Variants in NLRP11 observed in about 807,000 individuals in gnomAD.
The protein encoded by NLRP11 is NACHT, LRR and PYD domains-containing protein 11.
Under a neutral mutation model 79.3 loss-of-function variants are expected in NLRP11, and 53 were observed. The observed-to-expected ratio is 0.67, with a 90% CI of 0.54 to 0.84. The LOEUF (loss-of-function observed/expected upper bound fraction) is 0.84. Among genes scored for constraint, NLRP11 ranks in the 40% least tolerant of loss-of-function variants. NLRP11 has a pLI of 0.00. For missense variants in NLRP11, 1,264 were observed against 1,255.0 expected (o/e 1.01, Z -0.11); for synonymous variants, 518 against 462.6 (o/e 1.12, Z -1.54).
intron 4 of NLRP11, among the ~76,000 whole-genome samples, chr19:55,804,072 A>G (rs538399424): frequency 2.0e-5 from 3 of 152,148 alleles, no homozygotes; most frequent in African/African-American, 7.2e-5. Flanking sequence ...ACAGAGCAAG[A>G]CTCCACCTCG....
rs539560009 is a variant in NLRP11 at position 55,798,394 on chromosome 19, C to T, written c.2172-2144G>A. 29 of 939,410 alleles carry T rather than the reference C, an allele frequency of 3.1e-5. No individual in the cohort carries two copies. The African/African-American group carries it at 5.0e-4, about 16-fold the overall frequency. 58.2% of individuals were successfully genotyped at this position (939,410 alleles called of 1,614,324 possible). A position where few individuals can be genotyped will look rare whatever the true frequency, so the allele number is the denominator to read the frequency against. On this transcript the variant is annotated intron_variant, in intron 5 of 9. Coordinates refer to ENST00000589093, the Ensembl canonical transcript of NLRP11. ...TGACTTAGATTGCCATTATCCTTAG[C>T]AAACTAACATAAGGACAGAAAACCA... is the stretch of plus-strand genomic sequence containing the variant.
At chr19:55,794,320 G>GA (rs895863185) in intron 6 of NLRP11, among the ~76,000 whole-genome samples, 2 of 152,066 alleles carry the variant, frequency 1.3e-5, no homozygotes, top group African/African-American at 2.4e-5. Flanking sequence ...GATATGAGAT[G>GA]AAAAAAATAT....
exon 6 of NLRP11, chr19:55,796,117 C>A: frequency 1.2e-6 from 2 of 1,614,050 alleles, no homozygotes; most frequent in Non-Finnish European, 1.7e-6. Flanking sequence ...TGAAGCAAGG[C>A]ATCACACAGT....
intron 1 of NLRP11, among the ~76,000 whole-genome samples, chr19:55,827,912 C>G (rs1600206389): frequency 1.3e-5 from 2 of 151,734 alleles, no homozygotes; most frequent in Non-Finnish European, 2.9e-5. Context: ...CATCCCATTA[C>G]TGGGTATATA....
At chr19:55,795,694 T>C (rs999969826) in intron 6 of NLRP11, among the ~76,000 whole-genome samples, 1 of 152,078 alleles carries the variant, frequency 6.6e-6, no homozygotes, top group Non-Finnish European at 1.5e-5. Context: ...TTCACTGTGT[T>C]GGCCAGGCTG....
intron 5 of NLRP11, among the ~76,000 whole-genome samples, chr19:55,796,813 C>T (rs552832992): frequency 1.6e-4 from 24 of 152,120 alleles, no homozygotes; most frequent in African/African-American, 3.6e-4. Flanking sequence ...CTCGGCCTCC[C>T]GAGTAGCTGG....
At position 55,787,140 on chromosome 19, in the gene NLRP11, T is replaced by C. The variant is rs115598231; in HGVS notation, c.2856-1269A>G. Among the ~76,000 whole-genome samples, 968 of 152,324 alleles carry C rather than the reference T, an allele frequency of 6.4e-3. 11 individuals carry two copies. The highest frequency in any genetic ancestry group is 0.022 in the African/African-American group (909 of 41,564). ...CCGGATGCTTATACTTAGTCTCTAA[T>C]TGAATGCTCAGTAACCTGAATATGA... On this transcript the variant is annotated intron_variant, in intron 9 of 9. Coordinates refer to ENST00000589093, the Ensembl canonical transcript of NLRP11.
At chr19:55,813,395 G>C (rs1223246562) in intron 2 of NLRP11, among the ~76,000 whole-genome samples, 2 of 152,068 alleles carry the variant, frequency 1.3e-5, no homozygotes, top group African/African-American at 4.8e-5. Flanking sequence ...TTGACTTGTA[G>C]TTTCTTTCCC....
At chr19:55,836,109 G>C (rs375700273), upstream of NLRP11, among the ~76,000 whole-genome samples, 2 of 152,216 alleles carry the variant, frequency 1.3e-5, no homozygotes, top group Admixed American at 6.5e-5. Flanking sequence ...GGGTGACCGA[G>C]TGAGACCGTA....
chr19:55,792,414 C>G (rs201154875), exon 7 of NLRP11: 1 of 1,614,140 alleles, frequency 6.2e-7, no homozygotes, highest in African/African-American at 1.3e-5. Flanking sequence ...TTGGGCTGAA[C>G]AGAAGCACTC....
intron 2 of NLRP11, among the ~76,000 whole-genome samples, chr19:55,816,243 C>A (rs1355637471): frequency 6.6e-6 from 1 of 152,176 alleles, no homozygotes; most frequent in African/African-American, 2.4e-5. Flanking sequence ...ATGCTTATAT[C>A]AGACAAAACA....
rs1989888067 is a variant in NLRP11, at chr19:55,786,509, A to C, written c.2856-638T>G. Among the ~76,000 whole-genome samples the C allele has an allele frequency of 3.3e-5, 5 of 151,042 alleles. No homozygotes were observed. In the South Asian group the frequency reaches 1.0e-3, roughly 32 times the overall value. On this transcript the variant is annotated intron_variant, in intron 9 of 9. Transcript: ENST00000589093. Reference sequence around the variant, plus strand: ...GCTCTCCAGCCTGAGTGACAGAGCAAGACCCTAACTAGAAAAAAAAAAAAT... The same window carrying C: ...GCTCTCCAGCCTGAGTGACAGAGCACGACCCTAACTAGAAAAAAAAAAAAT...
At chr19:55,831,470 G>A (rs1245143654) in intron 1 of NLRP11, among the ~76,000 whole-genome samples, 1 of 152,046 alleles carries the variant, frequency 6.6e-6, no homozygotes, top group African/African-American at 2.4e-5. Context: ...TCTGAGGTGG[G>A]AGAGTCACTT....
chr19:55,810,265 T>C (rs1484480246), exon 3 of NLRP11: 1 of 1,614,052 alleles, frequency 6.2e-7, no homozygotes, highest in Non-Finnish European at 8.5e-7. Context: ...TATAATGAAA[T>C]TTTCCAAAAG....
chr19:55,796,302 C>G (rs1241903744), intron 5 of NLRP11, 52 bp from the exon 6 acceptor site: 1 of 1,400,758 alleles, frequency 7.1e-7, no homozygotes, highest in Non-Finnish European at 9.6e-7. Flanking sequence ...AAGCTATCCC[C>G]TCTTTTAAAT....
intron 1 of NLRP11, among the ~76,000 whole-genome samples, chr19:55,828,132 T>G (rs1982405330): frequency 1.3e-5 from 2 of 151,056 alleles, no homozygotes; most frequent in African/African-American, 4.9e-5. Flanking sequence ...TGGATGAAAT[T>G]GGAAATCATC....
At chr19:55,824,275 G>A (rs1648289026) in intron 1 of NLRP11, among the ~76,000 whole-genome samples, 1 of 148,702 alleles carries the variant, frequency 6.7e-6, no homozygotes, top group South Asian at 2.2e-4. Flanking sequence ...GCTAAACATG[G>A]AAAGGAACAA....
intron 9 of NLRP11, among the ~76,000 whole-genome samples, chr19:55,787,805 T>C (rs1332520247): frequency 6.6e-6 from 1 of 152,206 alleles, no homozygotes; most frequent in Non-Finnish European, 1.5e-5. Flanking sequence ...TTCTTGCTGA[T>C]AACTGAGGGC....
chr19:55,792,909 C>T (rs1301326607), intron 6 of NLRP11, among the ~76,000 whole-genome samples: 2 of 152,158 alleles, frequency 1.3e-5, no homozygotes, highest in Non-Finnish European at 2.9e-5. Flanking sequence ...GACGGCACAC[C>T]AGAAGCCCTG....
Sources: gnomAD v4.1 joint callset for allele counts (sites outside exome capture counted in the v4.1 genomes callset) on GRCh38, gnomAD v4.1.1 for gene constraint, MANE v1.5 for transcripts, NCBI Gene and HGNC (gene_info 2026-07-23, HGNC 2026-07-21) for gene names.